PTPRZ1: variants seen among roughly 807,000 people sequenced by gnomAD.
PTPRZ1 encodes the protein protein tyrosine phosphatase receptor type Z1, also known as receptor-type tyrosine-protein phosphatase zeta.
Under a neutral mutation model 214.1 loss-of-function variants are expected in PTPRZ1, and 82 were observed. The ratio of observed to expected loss-of-function variants is 0.38; its 90% CI spans 0.32 to 0.46. PTPRZ1 has a LOEUF of 0.46. Among genes scored for constraint, PTPRZ1 ranks in the 20% least tolerant of loss-of-function variants. PTPRZ1 has a pLI of 1.00. For missense variants in PTPRZ1, 2,603 were observed against 2,748.7 expected (o/e 0.95, Z 1.19); for synonymous variants, 945 against 987.9 (o/e 0.96, Z 0.81).
intron 13 of PTPRZ1, among the ~76,000 whole-genome samples, chr7:122,020,287 G>A (rs1345363581): frequency 6.6e-6 from 1 of 152,106 alleles, no homozygotes; most frequent in Non-Finnish European, 1.5e-5. Flanking sequence ...GTGATTTGAA[G>A]AAATATATGC....
intron 17 of PTPRZ1, 47 bp from the exon 18 acceptor site, chr7:122,036,553 G>A: frequency 8.1e-7 from 1 of 1,227,754 alleles, no homozygotes; most frequent in East Asian, 2.4e-5. Flanking sequence ...TCTTTGTGCT[G>A]AAAAGTAGTC....
chr7:121,888,287 T>C (rs2116199591), intron 1 of PTPRZ1, among the ~76,000 whole-genome samples: 1 of 151,708 alleles, frequency 6.6e-6, no homozygotes, highest in Admixed American at 6.6e-5. Context: ...TTGTTTAGAG[T>C]ATAGATGAAG....
chr7:122,040,909 G>T lies in PTPRZ1; in HGVS notation c.5731G>T (p.Val1911Leu). 1 of 1,605,324 alleles carries T rather than the reference G, an allele frequency of 6.2e-7. No individual in the cohort carries two copies. Among genetic ancestry groups the T allele is most frequent in the Non-Finnish European group, 8.5e-7 (1 of 1,173,354 alleles). Residue 1911 changes from valine to leucine, a missense_variant, in exon 21 of 30, where the codon GTG (valine) becomes TTG (leucine). Coordinates refer to ENST00000393386, the MANE Select transcript of PTPRZ1 (RefSeq NM_002851.3). ...GGGAGTACCAGAGTACTCCCTGCCA[G>T]TGCTGACCTTTGTGAGAAAGGCAGC... ...DMGVPEYSLP[V>L]LTFVRKAAYA... is the part of the protein sequence containing the mutation.
At chr7:121,983,603 G>C in intron 6 of PTPRZ1, 62 bp from the exon 7 acceptor site, 1 of 1,448,028 alleles carries the variant, frequency 6.9e-7, no homozygotes. Context: ...TTTCATAGAA[G>C]TTTTGAACAG....
At chr7:121,905,994 C>T (rs1334094826) in intron 1 of PTPRZ1, among the ~76,000 whole-genome samples, 1 of 152,166 alleles carries the variant, frequency 6.6e-6, no homozygotes, top group Non-Finnish European at 1.5e-5. Flanking sequence ...AAAACCTTGA[C>T]TGCATGAGAG....
At chr7:122,020,158 A>C (rs1025656913) in intron 13 of PTPRZ1, among the ~76,000 whole-genome samples, 20 of 152,158 alleles carry the variant, frequency 1.3e-4, no homozygotes, top group Non-Finnish European at 2.6e-4. Context: ...CTCTCAAAAT[A>C]TATTCTCGTG....
At chr7:121,920,772 G>A (rs1366348075) in intron 1 of PTPRZ1, among the ~76,000 whole-genome samples, 1 of 152,082 alleles carries the variant, frequency 6.6e-6, no homozygotes, top group East Asian at 1.9e-4. Context: ...TTAAGCTCAA[G>A]AAATAAATCT....
intron 2 of PTPRZ1, among the ~76,000 whole-genome samples, chr7:121,952,201 G>A (rs547457843): frequency 6.6e-6 from 1 of 152,160 alleles, no homozygotes; most frequent in Non-Finnish European, 1.5e-5. Context: ...CTCGTGATTG[G>A]CCGGCCTCGG....
Position 121,972,580 on chromosome 7 carries a change from G to T in PTPRZ1, c.344G>T (p.Gly115Val). The change falls in exon 4 of 30, where the codon GGA becomes GTA. Residue 115 changes from glycine to valine, a missense_variant. Around this residue, in one of 6 missense-constraint regions of PTPRZ1, gnomAD observed 141 missense variants for 143.7 expected, o/e 0.98. Coordinates refer to ENST00000393386, the MANE Select transcript of PTPRZ1 (RefSeq NM_002851.3). Reference protein sequence around the residue: ...NLTNDYRVSGGVSEMVFKASK... With the variant: ...NLTNDYRVSGVVSEMVFKASK... ...ACTAATGACTACCGTGTCAGCGGAG[G>T]AGTTTCAGAAATGGTGTTTAAAGCA... 6.2e-7 allele frequency: 1 copy of T among 1,613,324 alleles called. No individual in the cohort carries two copies. The highest frequency in any genetic ancestry group is 1.1e-5 in the South Asian group (1 of 90,900).
Position 122,011,299 on chromosome 7 carries a change from G to A in PTPRZ1, c.2253G>A (p.Pro751=), listed in dbSNP as rs201224372. ...VNVVYSQTTQ[P]VYNGETPLQP... The stretch of plus-strand genomic sequence containing the variant: ...TGGTATACTCGCAGACAACCCAACC[G>A]GTATACAATGGTGAGACACCTCTTC... Residue 751 remains proline (P), a synonymous_variant, in exon 12 of 30, where the codon CCG becomes CCA. Transcript: ENST00000393386. The A allele has an allele frequency of 2.5e-5, 40 of 1,613,886 alleles. No individual in the cohort carries two copies. Among genetic ancestry groups the A allele is most frequent in the Non-Finnish European group, 3.0e-5 (35 of 1,179,996 alleles).
At chr7:122,036,389 A>G (rs1799535401) in intron 17 of PTPRZ1, among the ~76,000 whole-genome samples, 1 of 152,180 alleles carries the variant, frequency 6.6e-6, no homozygotes, top group Non-Finnish European at 1.5e-5. Context: ...AGTTTCACCT[A>G]TTACCTTAGA....
intron 8 of PTPRZ1, among the ~76,000 whole-genome samples, chr7:121,994,305 T>TTC (rs1798066725): frequency 7.3e-6 from 1 of 136,334 alleles, no homozygotes; most frequent in Non-Finnish European, 1.6e-5. Flanking sequence ...TTTTTTTTTT[T>TTC]TTTTTTTGAG....
At chr7:122,002,579 C>A (rs2116629875) in intron 10 of PTPRZ1, among the ~76,000 whole-genome samples, 1 of 152,098 alleles carries the variant, frequency 6.6e-6, no homozygotes, top group South Asian at 2.1e-4. Context: ...AAGTCTAATG[C>A]AATACACACT....
intron 1 of PTPRZ1, among the ~76,000 whole-genome samples, chr7:121,897,137 G>C (rs1177438848): frequency 6.6e-6 from 1 of 152,180 alleles, no homozygotes; most frequent in African/African-American, 2.4e-5. Context: ...ATAATGCAAT[G>C]ATAGACACTA....
At chr7:121,986,818 G>A (rs1462271158) in intron 8 of PTPRZ1, among the ~76,000 whole-genome samples, 1 of 152,142 alleles carries the variant, frequency 6.6e-6, no homozygotes, top group Non-Finnish European at 1.5e-5. Context: ...GGAAAAACTA[G>A]AAAGTTTAAC....
At chr7:121,893,850 CT>C (rs57530915) in intron 1 of PTPRZ1, among the ~76,000 whole-genome samples, 4,864 of 152,014 alleles carry the variant, frequency 0.032, 256 homozygotes, top group African/African-American at 0.11. Context: ...TTTTAATTAT[CT>C]TGTATGTATT....
At chr7:122,001,430 T>C (rs1490686980) in intron 10 of PTPRZ1, among the ~76,000 whole-genome samples, 1 of 152,184 alleles carries the variant, frequency 6.6e-6, no homozygotes, top group Admixed American at 6.5e-5. Flanking sequence ...TTGATAATTA[T>C]ATGTGTTAGA....
chr7:122,061,881 C>T lies in PTPRZ1; in HGVS notation c.*661C>T, dbSNP rs1315762444. The T allele has an allele frequency of 2.6e-5, 4 of 152,516 alleles. No individual in the cohort carries two copies. Among genetic ancestry groups the T allele is most frequent in the Admixed American group, 2.0e-4 (3 of 15,258 alleles). 9.4% of individuals were successfully genotyped at this position (152,516 alleles called of 1,614,324 possible). ...TGACATTGTATTGTGTTACCTAAGT[C>T]ATTAACTTTGTTTCAGCATGTAATT... On this transcript the variant is annotated 3_prime_UTR_variant, in exon 30 of 30. Coordinates refer to ENST00000393386, the MANE Select transcript of PTPRZ1 (RefSeq NM_002851.3).
intron 1 of PTPRZ1, among the ~76,000 whole-genome samples, chr7:121,884,806 G>C (rs987018617): frequency 6.6e-6 from 1 of 152,230 alleles, no homozygotes; most frequent in Non-Finnish European, 1.5e-5. Flanking sequence ...ATTTGGATGA[G>C]ATTTTAAGTC....
Sources: allele counts gnomAD v4.1 joint callset (sites outside exome capture counted in the v4.1 genomes callset), GRCh38; gene constraint gnomAD v4.1.1; regional missense constraint gnomAD v4.1.1; transcripts MANE v1.5; gene names NCBI Gene and HGNC (gene_info 2026-07-23, HGNC 2026-07-21).